The following RPS6KC1 variants were observed in gnomAD, a reference collection of about 807,000 sequenced individuals.
RPS6KC1 encodes the protein ribosomal protein S6 kinase C1, also known as inactive ribosomal protein S6 kinase delta-1.
A neutral mutation model predicts 103.8 loss-of-function variants in RPS6KC1; 54 were observed. The observed-to-expected ratio is 0.52, with a 90% CI of 0.42 to 0.65. RPS6KC1 has a LOEUF of 0.65. RPS6KC1 is among the 30% of genes least tolerant of loss of function. RPS6KC1 has a pLI of 0.00. For missense variants in RPS6KC1, 1,151 were observed against 1,253.8 expected, an observed-to-expected ratio of 0.92 and a Z score of 1.24; for synonymous variants, 439 against 438.7, an observed-to-expected ratio of 1.00 and a Z score of -0.01.
chr1:213,254,714 A>G (rs907082657), intron 12 of RPS6KC1, among the ~76,000 whole-genome samples: 6 of 152,200 alleles, frequency 3.9e-5, no homozygotes, highest in Non-Finnish European at 7.3e-5. Flanking sequence ...CTTAAGGACA[A>G]AAATCCAGGA....
At chr1:213,617,691 A>G in the RPS6KC1 span, among the ~76,000 whole-genome samples, 2 of 152,202 alleles carry the variant, frequency 1.3e-5, no homozygotes, top group African/African-American at 4.8e-5. Flanking sequence ...TCCCTTTCCC[A>G]TAGGCATTGT....
the RPS6KC1 span, among the ~76,000 whole-genome samples, chr1:213,461,723 A>G: frequency 2.0e-5 from 3 of 152,230 alleles, no homozygotes; most frequent in African/African-American, 7.2e-5. Context: ...GACTAGCTAT[A>G]TGCAGAAAAC....
the RPS6KC1 span, among the ~76,000 whole-genome samples, chr1:213,764,072 G>A: frequency 1.3e-5 from 2 of 152,310 alleles, no homozygotes; most frequent in Non-Finnish European, 2.9e-5. Context: ...ATTGTCAAAT[G>A]TGTCCCCTAA....
the RPS6KC1 span, among the ~76,000 whole-genome samples, chr1:213,357,619 G>T: frequency 2.6e-5 from 4 of 152,208 alleles, no homozygotes; most frequent in African/African-American, 9.7e-5. Flanking sequence ...CTGGCTCTTT[G>T]TATGACCACA....
At chr1:213,630,250 A>G in the RPS6KC1 span, among the ~76,000 whole-genome samples, 1 of 152,322 alleles carries the variant, frequency 6.6e-6, no homozygotes, top group African/African-American at 2.4e-5. Flanking sequence ...CTTTTCACAT[A>G]GTCCCATATT....
chr1:213,238,094 T>G (rs376849117), intron 10 of RPS6KC1, among the ~76,000 whole-genome samples: 4 of 152,114 alleles, frequency 2.6e-5, no homozygotes, highest in East Asian at 1.9e-4. Context: ...CTGCAGCTAT[T>G]AAGACTTTAC....
chr1:213,178,385 CA>C (rs1335400102), intron 8 of RPS6KC1, among the ~76,000 whole-genome samples: 1 of 151,422 alleles, frequency 6.6e-6, no homozygotes, highest in Non-Finnish European at 1.5e-5. Flanking sequence ...ACCAAAAATA[CA>C]AAAAATTACC....
intron 6 of RPS6KC1, among the ~76,000 whole-genome samples, chr1:213,152,420 G>A (rs1344574183): frequency 7.4e-5 from 11 of 148,804 alleles, no homozygotes; most frequent in African/African-American, 1.5e-4. Flanking sequence ...GCTGCCGGGC[G>A]GAGACGCTCC....
At chr1:213,360,985 A>T in the RPS6KC1 span, among the ~76,000 whole-genome samples, 1 of 152,198 alleles carries the variant, frequency 6.6e-6, no homozygotes, top group Admixed American at 6.5e-5. Flanking sequence ...GGTGCCTCCC[A>T]GTTAGGCTAC....
At chr1:213,231,609 C>T (rs2094106433) in intron 9 of RPS6KC1, among the ~76,000 whole-genome samples, 1 of 152,094 alleles carries the variant, frequency 6.6e-6, no homozygotes, top group South Asian at 2.1e-4. Flanking sequence ...TTATCATTGA[C>T]ATTTCTTTAA....
At chr1:213,760,848 CTTT>C in the RPS6KC1 span, among the ~76,000 whole-genome samples, 281 of 117,180 alleles carry the variant, frequency 2.4e-3, 4 homozygotes, top group East Asian at 0.058. Context: ...TGTGAGTCTA[CTTT>C]TTTTTTTTTT....
At chr1:213,757,104 C>A in the RPS6KC1 span, among the ~76,000 whole-genome samples, 1 of 152,126 alleles carries the variant, frequency 6.6e-6, no homozygotes, top group Admixed American at 6.5e-5. Context: ...TCTTTATTTT[C>A]TGAGACAGAA....
At chr1:213,357,540 T>G in the RPS6KC1 span, among the ~76,000 whole-genome samples, 11 of 152,200 alleles carry the variant, frequency 7.2e-5, no homozygotes, top group East Asian at 9.6e-4. Context: ...ACATCAGACC[T>G]GGGGCAGTCA....
intron 6 of RPS6KC1, among the ~76,000 whole-genome samples, chr1:213,151,189 C>T (rs2088781099): frequency 7.1e-6 from 1 of 141,404 alleles, no homozygotes; most frequent in South Asian, 2.3e-4. Flanking sequence ...CCACCTCCCT[C>T]CCGGATGGGG....
At chr1:213,595,109 T>C in the RPS6KC1 span, among the ~76,000 whole-genome samples, 2 of 152,122 alleles carry the variant, frequency 1.3e-5, no homozygotes, top group Non-Finnish European at 2.9e-5. Flanking sequence ...TGGACACCAC[T>C]CGGGGACTGC....
At chr1:213,389,529 T>C in the RPS6KC1 span, among the ~76,000 whole-genome samples, 1 of 152,190 alleles carries the variant, frequency 6.6e-6, no homozygotes, top group African/African-American at 2.4e-5. Flanking sequence ...TGGACATGGC[T>C]GTCTCGCGTC....
the RPS6KC1 span, among the ~76,000 whole-genome samples, chr1:213,798,846 T>A: frequency 6.6e-6 from 1 of 152,198 alleles, no homozygotes; most frequent in African/African-American, 2.4e-5. Context: ...ATATTTCCTA[T>A]TCAGGCAAAG....
chr1:213,065,526 C>T (rs1375248915), intron 1 of RPS6KC1, among the ~76,000 whole-genome samples: 1 of 152,174 alleles, frequency 6.6e-6, no homozygotes, highest in African/African-American at 2.4e-5. Flanking sequence ...TGGATTTTTG[C>T]ACTCAATTCA....
chr1:213,518,779 C>T, the RPS6KC1 span, among the ~76,000 whole-genome samples: 1 of 152,152 alleles, frequency 6.6e-6, no homozygotes, highest in Non-Finnish European at 1.5e-5. Context: ...CAAAAATACC[C>T]TTCAGTGTTA....
Sources: gnomAD v4.1 joint callset for allele counts (sites outside exome capture counted in the v4.1 genomes callset) on GRCh38, gnomAD v4.1.1 for gene constraint, MANE v1.5 for transcripts, NCBI Gene and HGNC (gene_info 2026-07-23, HGNC 2026-07-21) for gene names.